The following EPS15 variants were observed in gnomAD, a reference collection of about 807,000 sequenced individuals.
EPS15 encodes epidermal growth factor receptor substrate 15.
EPS15 carries 72 observed loss-of-function variants against 113.8 expected under a neutral mutation model. The observed-to-expected ratio is 0.63, with a 90% confidence interval of 0.52 to 0.77. The LOEUF is 0.77. EPS15 is among the 30% of genes least tolerant of loss of function. EPS15 has a pLI of 0.00. For synonymous variants in EPS15, 344 were observed against 363.4 expected (o/e 0.95, Z 0.61); for missense variants, 1,048 against 1,045.8 (o/e 1.00, Z -0.03).
At chr1:51,467,801 G>A (rs2148507245) in intron 5 of EPS15, among the ~76,000 whole-genome samples, 1 of 152,210 alleles carries the variant, frequency 6.6e-6, no homozygotes, top group South Asian at 2.1e-4. Context: ...AGAATCTAAT[G>A]CCTGATGATG....
At position 51,468,578 on chromosome 1, in the gene EPS15, A is replaced by C. The variant is rs773780818; in HGVS notation, c.214-10T>G. On this transcript the variant is annotated splice_polypyrimidine_tract_variant and intron_variant, in intron 4 of 24. Transcript: ENST00000371733. ...AAGCAACAAAGAATTCCTAAGAAAG[A>C]AAAGTATGAATGTTAAGAGCATTCT... 1.3e-6 allele frequency: 2 copies of C among 1,586,652 alleles called. No homozygotes were observed. Among genetic ancestry groups the C allele is most frequent in the Non-Finnish European group, 1.7e-6 (2 of 1,156,044 alleles).
chr1:51,362,551 T>C (rs1195487505), intron 23 of EPS15, among the ~76,000 whole-genome samples: 1 of 152,218 alleles, frequency 6.6e-6, no homozygotes, highest in African/African-American at 2.4e-5. Context: ...TTAACCATTA[T>C]TTATTTTTAA....
At chr1:51,492,678 T>C (rs748623148) in intron 1 of EPS15, among the ~76,000 whole-genome samples, 6 of 152,038 alleles carry the variant, frequency 3.9e-5, no homozygotes, top group Non-Finnish European at 5.9e-5. Context: ...GTGAGCCCTA[T>C]ATACATCATT....
intron 1 of EPS15, among the ~76,000 whole-genome samples, chr1:51,503,519 G>C (rs895533426): frequency 6.6e-6 from 1 of 152,122 alleles, no homozygotes; most frequent in South Asian, 2.1e-4. Flanking sequence ...GCATGCGCCT[G>C]TAATCCCAGT....
intron 7 of EPS15, among the ~76,000 whole-genome samples, chr1:51,461,488 C>T (rs986357663): frequency 1.4e-5 from 2 of 147,312 alleles, no homozygotes; most frequent in Non-Finnish European, 3.0e-5. Context: ...CCACTGCACT[C>T]CAGCCTGGGC....
chr1:51,451,650 G>C (rs1375346286), intron 8 of EPS15, among the ~76,000 whole-genome samples: 2 of 151,572 alleles, frequency 1.3e-5, no homozygotes, highest in African/African-American at 4.9e-5. Context: ...TTCTTATATT[G>C]ATTCTTGAAC....
chr1:51,398,055 T>A (rs1441168018), intron 20 of EPS15, among the ~76,000 whole-genome samples: 1 of 140,690 alleles, frequency 7.1e-6, no homozygotes, highest in Non-Finnish European at 1.5e-5. Context: ...AAGATGAAGA[T>A]TTTTTTTTTT....
chr1:51,401,859 C>T (rs1467296223), intron 18 of EPS15, among the ~76,000 whole-genome samples: 1 of 152,142 alleles, frequency 6.6e-6, no homozygotes, highest in African/African-American at 2.4e-5. Context: ...AAAAATTAGG[C>T]CAGACGCGGT....
At chr1:51,469,823 C>A (rs1302566149) in intron 4 of EPS15, among the ~76,000 whole-genome samples, 1 of 152,064 alleles carries the variant, frequency 6.6e-6, no homozygotes, top group Non-Finnish European at 1.5e-5. Context: ...AGAAAAACTA[C>A]CGCCTATGTC....
Position 51,358,719 on chromosome 1 carries a change from T to G in EPS15, c.2545-1873A>C, listed in dbSNP as rs535906091. ...GATTTGTTTTTTTTTGTTTTTTTTT[T>G]TTTTTTTGAGGCGGAGTCTCGCTCT... On this transcript the variant is annotated intron_variant, in intron 24 of 24. Transcript: ENST00000371733. 7.5e-3 allele frequency among the ~76,000 whole-genome samples: 1,122 copies of G among 149,922 alleles called. 13 individuals carry two copies. The highest frequency in any genetic ancestry group is 0.013 in the South Asian group (61 of 4,724).
chr1:51,363,566 A>G (rs975677320), intron 23 of EPS15, among the ~76,000 whole-genome samples: 18 of 152,160 alleles, frequency 1.2e-4, no homozygotes, highest in Non-Finnish European at 1.2e-4. Context: ...TCCAAAAGGC[A>G]AAAAGATTTT....
Position 51,405,842 on chromosome 1 carries a change from T to C in EPS15, c.1677+63A>G. On this transcript the variant is annotated intron_variant, in intron 16 of 24. Coordinates refer to ENST00000371733, the MANE Select transcript of EPS15 (RefSeq NM_001981.3). ...CCATGTATTTATATTAGATATAATG[T>C]CAGTGAAACTTGGATCTGCACAAGG... 4 of 1,320,434 alleles carry C rather than the reference T, an allele frequency of 3.0e-6. No homozygotes were observed. In the South Asian group the frequency reaches 4.7e-5, roughly 16 times the overall value. The allele number at this position is 1,320,434 out of a possible 1,614,324, so 81.8% of individuals were successfully genotyped here.
chr1:51,444,927 C>T lies in EPS15; in HGVS notation c.916G>A (p.Glu306Lys), dbSNP rs1652886751. 1 of 1,613,796 alleles carries T rather than the reference C, an allele frequency of 6.2e-7. No individual in the cohort carries two copies. ...GCCCTGTCTGATGGTGGAATCATTTCAGGAGTAAGAACGTGAGGAGGATCA... is the reference window on the plus strand; with the variant it reads ...GCCCTGTCTGATGGTGGAATCATTTTAGGAGTAAGAACGTGAGGAGGATCA... Reference protein sequence around the residue: ...GIDPPHVLTPEMIPPSDRASL... With the variant: ...GIDPPHVLTPKMIPPSDRASL... Residue 306 changes from glutamate to lysine, a missense_variant, in exon 11 of 25, where the codon GAA becomes AAA. Transcript: ENST00000371733.
intron 24 of EPS15, among the ~76,000 whole-genome samples, chr1:51,358,946 C>T (rs1254804238): frequency 7.9e-5 from 12 of 151,776 alleles, no homozygotes; most frequent in South Asian, 2.1e-4. Flanking sequence ...TCAAGTGATC[C>T]GCCCGCTTCG....
At chr1:51,379,282 G>A (rs1385033737) in intron 21 of EPS15, among the ~76,000 whole-genome samples, 1 of 152,064 alleles carries the variant, frequency 6.6e-6, no homozygotes, top group Non-Finnish European at 1.5e-5. Context: ...ACCACGCCCG[G>A]ATAATTTTTG....
chr1:51,467,903 G>A (rs1279623946), intron 5 of EPS15, among the ~76,000 whole-genome samples: 2 of 152,052 alleles, frequency 1.3e-5, no homozygotes, highest in African/African-American at 2.4e-5. Context: ...AAAAAGGTTG[G>A]GGACCGTTAA....
chr1:51,396,090 T>C (rs190149227), intron 20 of EPS15, among the ~76,000 whole-genome samples: 1 of 152,184 alleles, frequency 6.6e-6, no homozygotes, highest in African/African-American at 2.4e-5. Flanking sequence ...ATGAAAACTA[T>C]GAATGATAAA....
chr1:51,431,023 C>A (rs896252022), intron 12 of EPS15, among the ~76,000 whole-genome samples: 40 of 117,378 alleles, frequency 3.4e-4, no homozygotes, highest in African/African-American at 1.1e-3. Context: ...CACACACACA[C>A]ACACAAAAAT....
chr1:51,481,613 G>C (rs760563100), intron 1 of EPS15, among the ~76,000 whole-genome samples: 76 of 152,140 alleles, frequency 5.0e-4, no homozygotes, highest in South Asian at 1.0e-3. Context: ...GTAACAAATT[G>C]AGAATGAAAT....
Sources: gnomAD v4.1 joint callset for allele counts (sites outside exome capture counted in the v4.1 genomes callset) on GRCh38, gnomAD v4.1.1 for gene constraint, MANE v1.5 for transcripts, NCBI Gene and HGNC (gene_info 2026-07-23, HGNC 2026-07-21) for gene names.